Variants in RAB3D observed in about 807,000 individuals in gnomAD.
RAB3D encodes the protein ras-related protein Rab-3D.
Under a neutral mutation model 19.3 loss-of-function variants are expected in RAB3D, and 17 were observed. That is an observed-to-expected ratio of 0.88 (90% CI 0.60 to 1.32). The LOEUF is 1.32. RAB3D is among the 40% of genes most tolerant of loss of function. The probability of loss-of-function intolerance (pLI) is 0.00; values close to 1 mark genes in which losing one functional copy is unlikely to be tolerated. For synonymous variants in RAB3D, 103 were observed against 119.9 expected (o/e 0.86, Z 0.92); for missense variants, 223 against 299.1 (o/e 0.75, Z 1.88).
At chr19:11,327,477 C>A (rs538949107) in intron 4 of RAB3D, among the ~76,000 whole-genome samples, 1 of 152,358 alleles carries the variant, frequency 6.6e-6, no homozygotes, top group South Asian at 2.1e-4. Context: ...CAGCCCACTG[C>A]AACCTCCGTC....
rs1409373215 is a variant in RAB3D at position 11,335,660 on chromosome 19, C to T, written c.347+5G>A. 6 of 1,613,888 alleles carry T rather than the reference C, an allele frequency of 3.7e-6. No individual in the cohort carries two copies. The highest frequency in any genetic ancestry group is 5.1e-6 in the Non-Finnish European group (6 of 1,179,908). Reference sequence around the variant, plus strand: ...ATCAGGGGTCCATGATCAGCAAGCACTCACCAGTCCTGCACAGCGGCAAAG... The same window carrying T: ...ATCAGGGGTCCATGATCAGCAAGCATTCACCAGTCCTGCACAGCGGCAAAG... On this transcript the variant is annotated splice_donor_5th_base_variant and intron_variant, in intron 3 of 4. Coordinates refer to ENST00000222120, the MANE Select transcript of RAB3D (RefSeq NM_004283.4).
At chr19:11,335,012 G>A (rs753631586) in intron 4 of RAB3D, among the ~76,000 whole-genome samples, 12 of 152,076 alleles carry the variant, frequency 7.9e-5, no homozygotes, top group African/African-American at 1.2e-4. Context: ...GCGAGACTCC[G>A]TCTCAAAAAA....
intron 2 of RAB3D, among the ~76,000 whole-genome samples, chr19:11,336,704 C>T (rs1324429737): frequency 6.6e-6 from 1 of 151,960 alleles, no homozygotes; most frequent in East Asian, 2.0e-4. Flanking sequence ...ATTACAGTGG[C>T]TCATGCCTGT....
intron 4 of RAB3D, chr19:11,326,722 G>GC: frequency 2.9e-6 from 2 of 684,710 alleles, no homozygotes; most frequent in Non-Finnish European, 5.3e-6. Context: ...TCCCGCCTTG[G>GC]CCCCCTGAGT....
chr19:11,323,121 A>C lies in RAB3D; in HGVS notation c.*2277T>G, dbSNP rs931595211. The stretch of plus-strand genomic sequence containing the variant: ...GCGACTCTCTGTCTTAAAAAAAAAA[A>C]AAACAAAAAAACCTCAGCAGGCCAT... On this transcript the variant is annotated 3_prime_UTR_variant, in exon 5 of 5. Transcript: ENST00000222120. The C allele has an allele frequency of 1.3e-5, 2 of 151,892 alleles. No individual in the cohort carries two copies. The highest frequency in any genetic ancestry group is 1.9e-4 in the East Asian group (1 of 5,158). 9.4% of individuals were successfully genotyped at this position (151,892 alleles called of 1,614,324 possible). A position where few individuals can be genotyped will look rare whatever the true frequency, so the allele number is the denominator to read the frequency against.
chr19:11,333,763 G>A (rs1299465281), intron 4 of RAB3D, among the ~76,000 whole-genome samples: 1 of 151,306 alleles, frequency 6.6e-6, no homozygotes, highest in African/African-American at 2.4e-5. Context: ...GCGTGATATC[G>A]GCTCACTGCA....
intron 4 of RAB3D, among the ~76,000 whole-genome samples, chr19:11,330,659 C>T (rs568225213): frequency 3.3e-5 from 5 of 152,194 alleles, no homozygotes; most frequent in African/African-American, 1.2e-4. Flanking sequence ...AAGCAATTCT[C>T]CTGCCTCAGC....
chr19:11,337,669 T>G (rs1211273894), intron 1 of RAB3D, among the ~76,000 whole-genome samples: 1 of 151,214 alleles, frequency 6.6e-6, no homozygotes. Flanking sequence ...GTTTCTTTCT[T>G]TCTTTTTTTT....
At chr19:11,333,246 A>AT in intron 4 of RAB3D, among the ~76,000 whole-genome samples, 1 of 151,674 alleles carries the variant, frequency 6.6e-6, no homozygotes, top group Admixed American at 6.6e-5. Context: ...CGCCTGGCTA[A>AT]TTTTTTTGTA....
At chr19:11,325,781 A>G (rs534234657) in intron 4 of RAB3D, among the ~76,000 whole-genome samples, 196 bp from the exon 5 acceptor site, 3 of 152,270 alleles carry the variant, frequency 2.0e-5, no homozygotes, top group Non-Finnish European at 4.4e-5. Context: ...CAATGATAAA[A>G]ATCTGTGGCA....
chr19:11,328,587 C>T (rs112274439), intron 4 of RAB3D, among the ~76,000 whole-genome samples: 6,338 of 152,112 alleles, frequency 0.042, 401 homozygotes, highest in African/African-American at 0.14. Context: ...GTGTAGGTTG[C>T]AGTGAGCCGA....
intron 4 of RAB3D, among the ~76,000 whole-genome samples, chr19:11,332,138 T>C (rs956154787): frequency 5.3e-5 from 8 of 152,210 alleles, no homozygotes; most frequent in Non-Finnish European, 8.8e-5. Context: ...GTTCAAGTGA[T>C]TCTCCTCCCT....
chr19:11,338,480 G>C (rs1966918993), intron 1 of RAB3D, among the ~76,000 whole-genome samples: 2 of 152,164 alleles, frequency 1.3e-5, no homozygotes, highest in Admixed American at 1.3e-4. Context: ...AGCCACTGGG[G>C]CGCCTGCCGC....
intron 4 of RAB3D, among the ~76,000 whole-genome samples, chr19:11,330,312 A>T (rs1402021254): frequency 2.0e-5 from 3 of 152,176 alleles, no homozygotes; most frequent in Non-Finnish European, 1.5e-5. Flanking sequence ...TCAATTACTC[A>T]ATTTCACGCT....
At chr19:11,326,739 G>A in intron 4 of RAB3D, 1 of 693,376 alleles carries the variant, frequency 1.4e-6, no homozygotes, top group South Asian at 1.5e-5. Flanking sequence ...GAGTAGCTGG[G>A]GCTACAGGTG....
intron 4 of RAB3D, chr19:11,326,648 G>C: frequency 1.9e-6 from 1 of 540,072 alleles, no homozygotes; most frequent in Non-Finnish European, 3.3e-6. Flanking sequence ...CTATTGCCCA[G>C]GCCGGGGTGT....
Position 11,322,873 on chromosome 19 carries a change from T to C in RAB3D, c.*2525A>G, listed in dbSNP as rs1216102314. 1.3e-5 allele frequency: 2 copies of C among 152,176 alleles called. No individual in the cohort carries two copies. Among genetic ancestry groups the C allele is most frequent in the Non-Finnish European group, 2.9e-5 (2 of 68,036 alleles). The allele number at this position is 152,176 out of a possible 1,614,324, so 9.4% of individuals were successfully genotyped here. ...GCCCTATTCAAGACAATCTGATCCA[T>C]TCCTTTTTTTGACAGCAGTTTAGAG... On this transcript the variant is annotated 3_prime_UTR_variant, in exon 5 of 5. Transcript: ENST00000222120.
At position 11,325,335 on chromosome 19, in the gene RAB3D, C is replaced by G. The variant is rs780133564; in HGVS notation, c.*63G>C. On this transcript the variant is annotated 3_prime_UTR_variant, in exon 5 of 5. Transcript: ENST00000222120. ...GAGCTTGGAGATAACCACTGTGGCT[C>G]ACGCCTCGATCACAGTCCCTGCCGA... 8.8e-7 allele frequency: 1 copy of G among 1,132,044 alleles called. No individual in the cohort carries two copies. Among genetic ancestry groups the G allele is most frequent in the Non-Finnish European group, 1.3e-6 (1 of 797,386 alleles). The allele number at this position is 1,132,044 out of a possible 1,614,324, so 70.1% of individuals were successfully genotyped here.
chr19:11,332,252 A>C (rs1331731034), intron 4 of RAB3D, among the ~76,000 whole-genome samples: 2 of 152,154 alleles, frequency 1.3e-5, no homozygotes, highest in East Asian at 1.9e-4. Context: ...GGTTGGTCTC[A>C]AACTCCTGAC....
Sources: gnomAD v4.1 joint callset for allele counts (sites outside exome capture counted in the v4.1 genomes callset) on GRCh38, gnomAD v4.1.1 for gene constraint, MANE v1.5 for transcripts, NCBI Gene and HGNC (gene_info 2026-07-23, HGNC 2026-07-21) for gene names.